The following MED12L variants were observed in gnomAD, a reference collection of about 807,000 sequenced individuals.
MED12L encodes the protein mediator complex subunit 12L.
A neutral mutation model predicts 281.3 loss-of-function variants in MED12L; 60 were observed. The ratio of observed to expected loss-of-function variants is 0.21; its 90% CI spans 0.17 to 0.26. The LOEUF is 0.26. MED12L is among the 10% of genes least tolerant of loss of function. MED12L has a pLI of 1.00. For synonymous variants in MED12L, 974 were observed against 987.2 expected (o/e 0.99, Z 0.25); for missense variants, 2,146 against 2,680.9 (o/e 0.80, Z 4.41).
chr3:151,126,824 C>A (rs1714606384), intron 4 of MED12L, among the ~76,000 whole-genome samples: 1 of 152,112 alleles, frequency 6.6e-6, no homozygotes, highest in African/African-American at 2.4e-5. Flanking sequence ...TTGCTTTATC[C>A]TTATAACTAC....
At chr3:151,366,579 TC>T (rs1331055331) in intron 23 of MED12L, among the ~76,000 whole-genome samples, 1 of 152,218 alleles carries the variant, frequency 6.6e-6, no homozygotes, top group East Asian at 1.9e-4. Context: ...TCTTTAAAAA[TC>T]TGTCTTGATT....
intron 4 of MED12L, among the ~76,000 whole-genome samples, chr3:151,125,317 TG>T (rs1320093057): frequency 6.6e-6 from 1 of 152,230 alleles, no homozygotes; most frequent in Non-Finnish European, 1.5e-5. Context: ...TCCGAAGTCT[TG>T]ATTTGCATCA....
chr3:151,408,427 A>T (rs530018058), intron 39 of MED12L, among the ~76,000 whole-genome samples: 1 of 152,360 alleles, frequency 6.6e-6, no homozygotes, highest in South Asian at 2.1e-4. Flanking sequence ...TGTTAAAGAC[A>T]GTAGTAAAAT....
chr3:151,305,602 T>G (rs1452894811), intron 16 of MED12L, among the ~76,000 whole-genome samples: 1 of 152,140 alleles, frequency 6.6e-6, no homozygotes, highest in Non-Finnish European at 1.5e-5. Context: ...TTAATTAAGT[T>G]GCCCTGACTC....
chr3:151,380,044 T>C, intron 31 of MED12L, 69 bp from the exon 32 acceptor site: 1 of 983,332 alleles, frequency 1.0e-6, no homozygotes, highest in Non-Finnish European at 1.5e-6. Flanking sequence ...GGCAAAGAAA[T>C]GAATGTTGCC....
chr3:151,104,209 T>G (rs1193608543), intron 2 of MED12L, among the ~76,000 whole-genome samples: 6 of 152,150 alleles, frequency 3.9e-5, no homozygotes, highest in Non-Finnish European at 8.8e-5. Context: ...GTGGCTTTGA[T>G]GCAAATGTGG....
At chr3:151,383,273 A>C (rs540990627) in intron 33 of MED12L, among the ~76,000 whole-genome samples, 2 of 152,302 alleles carry the variant, frequency 1.3e-5, no homozygotes, top group East Asian at 3.9e-4. Context: ...ATACTTTTGC[A>C]GTTGTTTCTA....
intron 16 of MED12L, among the ~76,000 whole-genome samples, chr3:151,275,027 G>A (rs908907661): frequency 1.3e-5 from 2 of 152,140 alleles, no homozygotes; most frequent in Non-Finnish European, 2.9e-5. Context: ...CTTAGGGCTC[G>A]ACTCACTGGG....
At chr3:151,224,837 A>C (rs1056026696) in intron 16 of MED12L, among the ~76,000 whole-genome samples, 2 of 152,014 alleles carry the variant, frequency 1.3e-5, no homozygotes, top group Non-Finnish European at 2.9e-5. Flanking sequence ...CCTTATTGAA[A>C]TCTGCTGTTT....
At chr3:151,344,564 T>C (rs1459122133) in intron 16 of MED12L, among the ~76,000 whole-genome samples, 2 of 152,206 alleles carry the variant, frequency 1.3e-5, no homozygotes. Flanking sequence ...TTTTACTGCT[T>C]TTCTTAGAGA....
intron 16 of MED12L, among the ~76,000 whole-genome samples, chr3:151,266,899 T>C (rs1739938379): frequency 6.6e-6 from 1 of 152,232 alleles, no homozygotes; most frequent in South Asian, 2.1e-4. Context: ...CTGTAACTTT[T>C]ATAAACCCCC....
At chr3:151,228,869 T>C (rs1314767115) in intron 16 of MED12L, among the ~76,000 whole-genome samples, 2 of 152,212 alleles carry the variant, frequency 1.3e-5, no homozygotes, top group Admixed American at 1.3e-4. Flanking sequence ...TTGGAATATG[T>C]GGTCCTATTC....
intron 16 of MED12L, among the ~76,000 whole-genome samples, chr3:151,258,350 G>A (rs1251584188): frequency 6.6e-6 from 1 of 152,050 alleles, no homozygotes; most frequent in Admixed American, 6.6e-5. Context: ...ATAATTTTTA[G>A]TACTTTCTAA....
intron 16 of MED12L, among the ~76,000 whole-genome samples, chr3:151,299,654 A>G (rs752287484): frequency 1.3e-5 from 2 of 151,500 alleles, no homozygotes; most frequent in Non-Finnish European, 2.9e-5. Context: ...AATTTTTTGT[A>G]TTTAGGTATG....
chr3:151,407,278 G>C (rs1252927518), intron 39 of MED12L, among the ~76,000 whole-genome samples: 1 of 152,178 alleles, frequency 6.6e-6, no homozygotes, highest in African/African-American at 2.4e-5. Context: ...GAAAACATCT[G>C]CTTTATGCAT....
chr3:151,114,257 A>G (rs550877120), intron 2 of MED12L, among the ~76,000 whole-genome samples: 1 of 152,290 alleles, frequency 6.6e-6, no homozygotes, highest in African/African-American at 2.4e-5. Flanking sequence ...GCGGATCACG[A>G]TTTCAGTGAC....
intron 16 of MED12L, among the ~76,000 whole-genome samples, chr3:151,289,356 A>G (rs1199208547): frequency 1.3e-5 from 2 of 152,256 alleles, no homozygotes; most frequent in African/African-American, 4.8e-5. Flanking sequence ...ACAAAGGTAC[A>G]TGACAATTCT....
chr3:151,182,101 G>GA (rs1355734218), intron 11 of MED12L, among the ~76,000 whole-genome samples: 3 of 152,020 alleles, frequency 2.0e-5, no homozygotes, highest in Non-Finnish European at 4.4e-5. Context: ...AATTAGGAGA[G>GA]AAAAAATGTC....
intron 16 of MED12L, chr3:151,336,857 T>C (rs1322839711): frequency 8.2e-5 from 16 of 195,828 alleles, no homozygotes; most frequent in Non-Finnish European, 2.1e-5. Context: ...ATTTAGAGTT[T>C]AATGTAAATT....
Sources: gnomAD v4.1 joint callset for allele counts (sites outside exome capture counted in the v4.1 genomes callset) on GRCh38, gnomAD v4.1.1 for gene constraint, MANE v1.5 for transcripts, NCBI Gene and HGNC (gene_info 2026-07-23, HGNC 2026-07-21) for gene names.